C2orf92: variants seen among roughly 807,000 people sequenced by gnomAD.
C2orf92 encodes chromosome 2 open reading frame 92.
intron 4 of C2orf92, among the ~76,000 whole-genome samples, chr2:97,689,411 T>A (rs1489754107): frequency 2.0e-5 from 3 of 152,074 alleles, no homozygotes; most frequent in Non-Finnish European, 4.4e-5. Flanking sequence ...AATACCCCAT[T>A]CAGTGGATGA....
At chr2:97,688,184 G>C (rs1254405767) in intron 3 of C2orf92, among the ~76,000 whole-genome samples, 1 of 152,064 alleles carries the variant, frequency 6.6e-6, no homozygotes, top group Admixed American at 6.5e-5. Flanking sequence ...CAGGTGGTGA[G>C]AGCAGCTCCT....
At chr2:97,673,278 CT>C (rs1345598110) in intron 1 of C2orf92, among the ~76,000 whole-genome samples, 4 of 152,182 alleles carry the variant, frequency 2.6e-5, no homozygotes, top group Non-Finnish European at 5.9e-5. Context: ...CCACATCCTT[CT>C]TCAGTGGCAC....
At chr2:97,664,148 A>C (rs1254866298), upstream of C2orf92, 2 of 237,116 alleles carry the variant, frequency 8.4e-6, no homozygotes, top group Non-Finnish European at 1.6e-5. Context: ...GAGGCTGGCC[A>C]GCCAATTGAG....
chr2:97,684,393 C>T lies in C2orf92; in HGVS notation c.233-4502C>T, dbSNP rs532617436. On this transcript the variant is annotated intron_variant, in intron 3 of 7. Transcript: ENST00000627399. Reference sequence around the variant, plus strand: ...AACAGAGTGGAAATGACAGTCTCTTCGACAAATGGTCCTGGGAAAACTGGA... The same window carrying T: ...AACAGAGTGGAAATGACAGTCTCTTTGACAAATGGTCCTGGGAAAACTGGA... 8.5e-5 allele frequency among the ~76,000 whole-genome samples: 13 copies of T among 152,216 alleles called. No individual in the cohort carries two copies. The East Asian group carries it at 1.2e-3, about 14-fold the overall frequency.
rs114141453 is a variant in C2orf92 at position 97,702,728 on chromosome 2, A to C, written c.725A>C (p.His242Pro). Residue 242 changes from histidine to proline, a missense_variant, in exon 8 of 8, where the codon CAC (histidine) becomes CCC (proline). Coordinates refer to ENST00000627399, the MANE Select transcript of C2orf92 (RefSeq NM_001351368.2). ...IFIMDGKTWW[H>P]NSEEKNFTKL... ...ATAATGGATGGAAAGACATGGTGGCACAATTCTGAAGAAAAAAATTTCACA... is the reference window on the plus strand; with the variant it reads ...ATAATGGATGGAAAGACATGGTGGCCCAATTCTGAAGAAAAAAATTTCACA... 2,753 of 398,076 alleles carry C rather than the reference A, an allele frequency of 6.9e-3. 71 individuals are homozygous for C. The highest frequency in any genetic ancestry group is 0.054 in the African/African-American group (2,558 of 47,812). The allele number at this position is 398,076 out of a possible 1,614,324, so 24.7% of individuals were successfully genotyped here.
At chr2:97,687,119 C>T (rs1196229123) in intron 3 of C2orf92, among the ~76,000 whole-genome samples, 1 of 151,330 alleles carries the variant, frequency 6.6e-6, no homozygotes, top group African/African-American at 2.4e-5. Flanking sequence ...AATTTCAACA[C>T]TTTGCAAGGC....
chr2:97,673,750 C>T (rs1414044486), intron 1 of C2orf92, among the ~76,000 whole-genome samples: 1 of 152,152 alleles, frequency 6.6e-6, no homozygotes, highest in Non-Finnish European at 1.5e-5. Context: ...AGGCACACCA[C>T]ACACCAGGTC....
intron 3 of C2orf92, chr2:97,677,507 C>T (rs960192378): frequency 6.6e-6 from 1 of 152,170 alleles, no homozygotes. Flanking sequence ...AAGAAGTACG[C>T]ACTTTGCAAA....
At chr2:97,687,831 G>T (rs966692827) in intron 3 of C2orf92, among the ~76,000 whole-genome samples, 1 of 150,576 alleles carries the variant, frequency 6.6e-6, no homozygotes, top group Non-Finnish European at 1.5e-5. Context: ...CAACTGCCTG[G>T]CAGGTGACCA....
At chr2:97,693,131 A>AAT (rs1676194741) in intron 5 of C2orf92, among the ~76,000 whole-genome samples, 1 of 152,200 alleles carries the variant, frequency 6.6e-6, no homozygotes, top group Non-Finnish European at 1.5e-5. Flanking sequence ...TCTCAAGGTT[A>AAT]ATGCATGTTG....
upstream of C2orf92, among the ~76,000 whole-genome samples, chr2:97,666,509 GAC>G (rs1405117406): frequency 1.6e-5 from 2 of 122,740 alleles, no homozygotes; most frequent in Non-Finnish European, 3.2e-5. Context: ...CAGCCTGGGC[GAC>G]AGAGTGAGAC....
intron 6 of C2orf92, among the ~76,000 whole-genome samples, chr2:97,700,386 G>A (rs541936287): frequency 6.6e-6 from 1 of 152,230 alleles, no homozygotes; most frequent in Non-Finnish European, 1.5e-5. Context: ...CAGAGAAGAG[G>A]TTATATCACT....
chr2:97,696,327 C>T (rs563143246), intron 5 of C2orf92, among the ~76,000 whole-genome samples: 2 of 152,188 alleles, frequency 1.3e-5, no homozygotes, highest in South Asian at 4.1e-4. Flanking sequence ...GCTGAGGGGG[C>T]TGATCAGATC....
At chr2:97,690,128 C>T (rs1476927573) in intron 4 of C2orf92, 128 bp from the exon 5 acceptor site, 7 of 353,324 alleles carry the variant, frequency 2.0e-5, no homozygotes, top group Non-Finnish European at 3.5e-5. Context: ...GACTCTGTCT[C>T]AAAAGACAAA....
At chr2:97,669,948 C>G (rs1390420919) in intron 1 of C2orf92, 114 bp downstream of exon 1, 1 of 397,204 alleles carries the variant, frequency 2.5e-6, no homozygotes, top group Non-Finnish European at 4.4e-6. Flanking sequence ...ACCTACTCTA[C>G]CTTCTATACC....
At chr2:97,691,668 A>G (rs997286345) in intron 5 of C2orf92, among the ~76,000 whole-genome samples, 2 of 152,212 alleles carry the variant, frequency 1.3e-5, no homozygotes, top group African/African-American at 4.8e-5. Flanking sequence ...CCCGGGCCGC[A>G]CCATGCATCA....
chr2:97,664,986 G>C (rs1396694204), upstream of C2orf92, among the ~76,000 whole-genome samples: 1 of 152,234 alleles, frequency 6.6e-6, no homozygotes, highest in East Asian at 1.9e-4. Flanking sequence ...TGTGCCTGCG[G>C]AGCACTTCTG....
chr2:97,684,278 G>T (rs916606945), intron 3 of C2orf92, among the ~76,000 whole-genome samples: 1 of 151,874 alleles, frequency 6.6e-6, no homozygotes, highest in Non-Finnish European at 1.5e-5. Flanking sequence ...CTCGTGATCC[G>T]CCCACCTCGG....
At chr2:97,701,906 C>T (rs1171070793) in intron 7 of C2orf92, among the ~76,000 whole-genome samples, 1 of 152,264 alleles carries the variant, frequency 6.6e-6, no homozygotes, top group Admixed American at 6.5e-5. Context: ...CCCCCGTCTA[C>T]ACCAGTTGTT....
Sources: allele counts gnomAD v4.1 joint callset (sites outside exome capture counted in the v4.1 genomes callset), GRCh38; gene constraint gnomAD v4.1.1; transcripts MANE v1.5; gene names NCBI Gene and HGNC (gene_info 2026-07-23, HGNC 2026-07-21).